CACNA1C: variants seen among roughly 807,000 people sequenced by gnomAD.
The protein encoded by CACNA1C is voltage-dependent L-type calcium channel subunit alpha-1C.
Under a neutral mutation model 229.0 loss-of-function variants are expected in CACNA1C, and 30 were observed. The ratio of observed to expected loss-of-function variants is 0.13; its 90% confidence interval spans 0.10 to 0.18. The LOEUF (loss-of-function observed/expected upper bound fraction) is 0.18. Among genes scored for constraint, CACNA1C ranks in the 10% least tolerant of loss-of-function variants. The pLI, the probability that CACNA1C is intolerant of heterozygous loss-of-function variation, is 1.00. For missense variants in CACNA1C, 1,658 were observed against 2,845.0 expected, an observed-to-expected ratio of 0.58 and a Z score of 9.49; for synonymous variants, 1,114 against 1,132.5, an observed-to-expected ratio of 0.98 and a Z score of 0.33.
At chr12:2,406,622 A>AT (rs1350733585) in intron 3 of CACNA1C, among the ~76,000 whole-genome samples, 5 of 151,770 alleles carry the variant, frequency 3.3e-5, no homozygotes, top group Non-Finnish European at 5.9e-5. Context: ...TATGTCTTCC[A>AT]TTTTTTTACT....
At chr12:2,144,395 A>G (rs1432419117) in intron 3 of CACNA1C, among the ~76,000 whole-genome samples, 4 of 151,210 alleles carry the variant, frequency 2.6e-5, no homozygotes, top group African/African-American at 9.7e-5. Context: ...CAGAATTTCC[A>G]AAGTTCAGTC....
intron 1 of CACNA1C, among the ~76,000 whole-genome samples, chr12:2,092,951 C>T (rs2071928218): frequency 6.6e-6 from 1 of 152,176 alleles, no homozygotes; most frequent in African/African-American, 2.4e-5. Context: ...AAAACCATTG[C>T]CCTTGGGAGT....
intron 3 of CACNA1C, chr12:2,223,629 A>C (rs1108221): frequency 6.6e-6 from 1 of 151,954 alleles, no homozygotes; most frequent in Non-Finnish European, 1.5e-5. Flanking sequence ...AGAGGTATTA[A>C]TCTAGAGTTT....
chr12:2,272,027 G>A (rs2085252847), intron 3 of CACNA1C, among the ~76,000 whole-genome samples: 1 of 152,212 alleles, frequency 6.6e-6, no homozygotes, highest in Non-Finnish European at 1.5e-5. Flanking sequence ...ACTCTGGAGA[G>A]ATGGAGCATC....
chr12:2,209,940 C>A (rs1051539999), intron 3 of CACNA1C, among the ~76,000 whole-genome samples: 3 of 152,090 alleles, frequency 2.0e-5, no homozygotes, highest in Admixed American at 6.5e-5. Context: ...TGGCTCATAT[C>A]AGAGATGCAG....
At chr12:2,662,033 G>T (rs1031373874) in intron 34 of CACNA1C, among the ~76,000 whole-genome samples, 7 of 152,162 alleles carry the variant, frequency 4.6e-5, no homozygotes, top group African/African-American at 1.7e-4. Context: ...ACGAGGTCAG[G>T]AGATCGAGAC....
chr12:2,194,129 G>A lies in CACNA1C; in HGVS notation c.477+73699G>A, dbSNP rs116232836. On this transcript the variant is annotated intron_variant, in intron 3 of 46. Transcript: ENST00000399655. ...GTCCTCCTCCTCCTGCTCCTCCTCT[G>A]GCTCCTCCCACTCTCCCTCCTCCTC... Among the ~76,000 whole-genome samples the A allele has an allele frequency of 7.0e-3, 1,035 of 147,458 alleles. 6 individuals carry two copies. The highest frequency in any genetic ancestry group is 0.025 in the African/African-American group (983 of 39,882).
At chr12:2,381,060 C>T (rs897760021) in intron 3 of CACNA1C, among the ~76,000 whole-genome samples, 2 of 152,210 alleles carry the variant, frequency 1.3e-5, no homozygotes, top group Non-Finnish European at 2.9e-5. Flanking sequence ...TGGCCATCTG[C>T]CTTCCAGGAC....
chr12:2,450,408 G>T (rs1386388292), intron 4 of CACNA1C, among the ~76,000 whole-genome samples: 1 of 151,838 alleles, frequency 6.6e-6, no homozygotes, highest in South Asian at 2.1e-4. Flanking sequence ...CAAAAACTTA[G>T]CCGGGCGAGG....
chr12:2,602,853 C>G lies in CACNA1C; in HGVS notation c.2960+893C>G, dbSNP rs1220424011. On this transcript the variant is annotated intron_variant, in intron 22 of 46. Coordinates refer to ENST00000399655, the MANE Select transcript of CACNA1C (RefSeq NM_000719.7). This position sits in a 1 kb window ranked among gnomAD's most constrained non-coding sequence, Gnocchi z 4.4. ...TACACTTTAACTTTCAAAGCACTTC[C>G]ACATACACATTCTTCTGTGGTCCTC... 6.6e-6 allele frequency among the ~76,000 whole-genome samples: 1 copy of G among 152,138 alleles called. No individual in the cohort carries two copies. Among genetic ancestry groups the G allele is most frequent in the Admixed American group, 6.5e-5 (1 of 15,278 alleles).
chr12:2,096,957 A>G (rs2074272863), intron 1 of CACNA1C, among the ~76,000 whole-genome samples: 1 of 152,100 alleles, frequency 6.6e-6, no homozygotes, highest in Admixed American at 6.6e-5. Context: ...GATAGACCAC[A>G]CTATGTTTGC....
intron 3 of CACNA1C, chr12:2,217,916 G>C (rs2060394090): frequency 6.6e-6 from 1 of 152,214 alleles, no homozygotes; most frequent in African/African-American, 2.4e-5. Context: ...AATGGGAGCT[G>C]TAACTGCAGA....
At chr12:2,452,192 G>T (rs778576667) in intron 4 of CACNA1C, among the ~76,000 whole-genome samples, 3 of 152,124 alleles carry the variant, frequency 2.0e-5, no homozygotes, top group Non-Finnish European at 4.4e-5. Flanking sequence ...TGAGTGCCAG[G>T]CTGAGAGCCT....
chr12:2,320,040 C>G (rs1421964932), intron 3 of CACNA1C, among the ~76,000 whole-genome samples: 2 of 152,210 alleles, frequency 1.3e-5, no homozygotes, highest in South Asian at 4.1e-4. Flanking sequence ...ATTTCCCTTC[C>G]CTTCTTAGAG....
intron 3 of CACNA1C, among the ~76,000 whole-genome samples, chr12:2,141,230 G>C (rs55802423): frequency 6.6e-6 from 1 of 151,280 alleles, no homozygotes; most frequent in Non-Finnish European, 1.5e-5. Flanking sequence ...TGAGTGTGAC[G>C]TTGGCAGGTC....
At chr12:2,599,913 G>T (rs1368077570) in intron 21 of CACNA1C, among the ~76,000 whole-genome samples, 1 of 152,174 alleles carries the variant, frequency 6.6e-6, no homozygotes, top group Non-Finnish European at 1.5e-5. Flanking sequence ...GCACACACAT[G>T]CACTTGCTCA....
At chr12:2,431,554 A>T (rs894110635) in intron 3 of CACNA1C, among the ~76,000 whole-genome samples, 1 of 152,206 alleles carries the variant, frequency 6.6e-6, no homozygotes. Flanking sequence ...TCGGTAGAAC[A>T]TGATAGTTAA....
intron 1 of CACNA1C, among the ~76,000 whole-genome samples, chr12:2,059,641 A>T (rs1303071925): frequency 6.6e-6 from 1 of 152,198 alleles, no homozygotes; most frequent in East Asian, 1.9e-4. Flanking sequence ...GGTTCGTTAA[A>T]GGGTTTGTCA....
intron 3 of CACNA1C, among the ~76,000 whole-genome samples, chr12:2,256,084 A>G (rs944958952): frequency 2.0e-5 from 3 of 152,284 alleles, no homozygotes; most frequent in South Asian, 2.1e-4. Flanking sequence ...CTAGTTTACA[A>G]TCACACCTCC....
Sources: allele counts gnomAD v4.1 joint callset (sites outside exome capture counted in the v4.1 genomes callset), GRCh38; gene constraint gnomAD v4.1.1; non-coding constraint Gnocchi (gnomAD v3.1); transcripts MANE v1.5; gene names NCBI Gene and HGNC (gene_info 2026-07-23, HGNC 2026-07-21).